DOCK2: variants seen among roughly 807,000 people sequenced by gnomAD.
DOCK2 encodes dedicator of cytokinesis 2.
Under a neutral mutation model 248.9 loss-of-function variants are expected in DOCK2, and 87 were observed. The ratio of observed to expected loss-of-function variants is 0.35; its 90% CI spans 0.29 to 0.42. The LOEUF (loss-of-function observed/expected upper bound fraction) is 0.42, where lower values mean the gene tolerates loss of function less well. Ranked by LOEUF, DOCK2 falls within the 10% of genes least tolerant of loss-of-function variation. DOCK2 has a pLI of 1.00. For synonymous variants in DOCK2, 805 were observed against 821.6 expected, an observed-to-expected ratio of 0.98 and a Z score of 0.35; for missense variants, 1,747 against 2,300.2, an observed-to-expected ratio of 0.76 and a Z score of 4.92.
chr5:169,655,343 G>A (rs893624415), intron 2 of DOCK2, among the ~76,000 whole-genome samples: 4 of 152,184 alleles, frequency 2.6e-5, no homozygotes, highest in African/African-American at 7.2e-5. Flanking sequence ...AGGAAGAAGA[G>A]AGAGTGTATT....
intron 27 of DOCK2, chr5:169,883,358 C>T: frequency 1.3e-6 from 2 of 1,551,652 alleles, no homozygotes; most frequent in East Asian, 2.4e-5. Flanking sequence ...CTAACAGGAC[C>T]ATTGCTTTGC....
chr5:169,877,637 T>G (rs1182399434), intron 27 of DOCK2, among the ~76,000 whole-genome samples: 3 of 152,060 alleles, frequency 2.0e-5, no homozygotes, highest in Non-Finnish European at 4.4e-5. Flanking sequence ...AATGTCTGCA[T>G]GTAGTTGCTT....
At chr5:169,883,408 ACCCTTCGAGG>A (rs1561793372) in intron 27 of DOCK2, 1 of 1,551,564 alleles carries the variant, frequency 6.4e-7, no homozygotes, top group Non-Finnish European at 8.7e-7. Context: ...GGACACCTTG[ACCCTTCGAGG>A]CCCATCCTCA....
intron 27 of DOCK2, among the ~76,000 whole-genome samples, chr5:169,892,915 T>C (rs1184844947): frequency 6.6e-6 from 1 of 152,120 alleles, no homozygotes; most frequent in Admixed American, 6.5e-5. Flanking sequence ...TCTTCTCTTC[T>C]GTTTTCTCCA....
intron 25 of DOCK2, among the ~76,000 whole-genome samples, chr5:169,775,523 C>G (rs1765336130): frequency 6.6e-6 from 1 of 151,710 alleles, no homozygotes; most frequent in African/African-American, 2.4e-5. Context: ...TACAGATGGA[C>G]CCAGAATAGC....
intron 30 of DOCK2, among the ~76,000 whole-genome samples, chr5:169,999,249 G>A (rs1400316695): frequency 6.6e-6 from 1 of 152,136 alleles, no homozygotes; most frequent in South Asian, 2.1e-4. Context: ...TGCAAGCTGA[G>A]TGACTTTAGA....
intron 2 of DOCK2, among the ~76,000 whole-genome samples, chr5:169,660,232 G>T (rs971684762): frequency 6.6e-6 from 1 of 152,154 alleles, no homozygotes; most frequent in Non-Finnish European, 1.5e-5. Flanking sequence ...ACCTCCAAAG[G>T]CTGACGTGAG....
intron 27 of DOCK2, among the ~76,000 whole-genome samples, chr5:169,851,593 A>C (rs1312707359): frequency 2.0e-5 from 3 of 152,224 alleles, no homozygotes; most frequent in Non-Finnish European, 4.4e-5. Context: ...CACTTGACTC[A>C]GTACATATGT....
At chr5:169,654,168 G>T (rs1444222636) in intron 1 of DOCK2, among the ~76,000 whole-genome samples, 1 of 152,246 alleles carries the variant, frequency 6.6e-6, no homozygotes, top group African/African-American at 2.4e-5. Flanking sequence ...TTGTCACTCA[G>T]GCTCAATGCA....
intron 25 of DOCK2, among the ~76,000 whole-genome samples, chr5:169,792,451 A>ATGTGTG (rs56969878): frequency 0.011 from 1,586 of 149,300 alleles, 39 homozygotes; most frequent in African/African-American, 0.036. Context: ...TATTTTATAT[A>ATGTGTG]TGTGTGTGTG....
intron 27 of DOCK2, among the ~76,000 whole-genome samples, chr5:169,854,018 G>A (rs954136629): frequency 6.6e-6 from 1 of 150,472 alleles, no homozygotes. Context: ...TGTGTTATTA[G>A]TAGAGATGGG....
At chr5:169,864,407 T>A in intron 27 of DOCK2, 1 of 1,550,632 alleles carries the variant, frequency 6.4e-7, no homozygotes, top group Non-Finnish European at 8.7e-7. Context: ...TCCTCCAGAC[T>A]CTGCAAAACT....
intron 26 of DOCK2, among the ~76,000 whole-genome samples, chr5:169,830,244 T>C (rs186772029): frequency 6.6e-6 from 1 of 152,364 alleles, no homozygotes; most frequent in Admixed American, 6.5e-5. Context: ...AAGGTTATTC[T>C]GTGAATTAAA....
intron 46 of DOCK2, among the ~76,000 whole-genome samples, chr5:170,070,191 C>T (rs1027206865): frequency 1.1e-4 from 16 of 152,240 alleles, no homozygotes; most frequent in African/African-American, 3.6e-4. Context: ...GGGAGGTGAG[C>T]AGTGGATGCA....
intron 1 of DOCK2, among the ~76,000 whole-genome samples, chr5:169,639,350 AAAG>A (rs1757022463): frequency 6.6e-6 from 1 of 152,216 alleles, no homozygotes; most frequent in African/African-American, 2.4e-5. Context: ...AAAGGGCAGA[AAAG>A]AAGGAGGTAG....
At chr5:169,690,052 ATTT>A (rs530581976) in intron 9 of DOCK2, among the ~76,000 whole-genome samples, 3 of 134,954 alleles carry the variant, frequency 2.2e-5, no homozygotes, top group Non-Finnish European at 3.2e-5. Flanking sequence ...GAAGAGTGTG[ATTT>A]TTTTTTTTTT....
chr5:169,943,371 T>C (rs1005363292), intron 27 of DOCK2, among the ~76,000 whole-genome samples: 4 of 152,160 alleles, frequency 2.6e-5, no homozygotes. Flanking sequence ...ACTTAGGTCC[T>C]GGACCTGTGG....
intron 30 of DOCK2, among the ~76,000 whole-genome samples, chr5:170,006,932 C>T (rs1256150386): frequency 1.3e-5 from 2 of 152,218 alleles, no homozygotes; most frequent in Non-Finnish European, 2.9e-5. Context: ...GCAAAATACT[C>T]AACCTCTCCA....
At chr5:169,761,393 A>C (rs1310994649) in intron 24 of DOCK2, 126 bp from the exon 25 acceptor site, 1 of 709,036 alleles carries the variant, frequency 1.4e-6, no homozygotes, top group Admixed American at 2.3e-5. Flanking sequence ...CTTACCTTGC[A>C]CCTCATGCTC....
Sources: gnomAD v4.1 joint callset for allele counts (sites outside exome capture counted in the v4.1 genomes callset) on GRCh38, gnomAD v4.1.1 for gene constraint, MANE v1.5 for transcripts, NCBI Gene and HGNC (gene_info 2026-07-23, HGNC 2026-07-21) for gene names.